The following POLDIP3 variants were observed in gnomAD, a reference collection of about 807,000 sequenced individuals.
POLDIP3 encodes polymerase delta-interacting protein 3.
In POLDIP3, 14 loss-of-function variants were observed where a neutral mutation model predicts 45.1. That is an observed-to-expected ratio of 0.31 (90% CI 0.20 to 0.49). The LOEUF (loss-of-function observed/expected upper bound fraction) is 0.49. POLDIP3 is among the 20% of genes least tolerant of loss of function. The probability of loss-of-function intolerance (pLI) is 0.99; values close to 1 mark genes in which losing one functional copy is unlikely to be tolerated. For missense variants in POLDIP3, 511 were observed against 538.8 expected, an observed-to-expected ratio of 0.95 and a Z score of 0.51; for synonymous variants, 223 against 205.2, an observed-to-expected ratio of 1.09 and a Z score of -0.74.
At position 42,592,001 on chromosome 22, in the gene POLDIP3, G is replaced by A. The variant is rs749745363; in HGVS notation, c.975C>T (p.Asp325=). ...ACTTCTTATATGCGGTGATGGCATCGTCCTTTTTCACAAACACCACCTCCG... is the reference window on the plus strand; with the variant it reads ...ACTTCTTATATGCGGTGATGGCATCATCCTTTTTCACAAACACCACCTCCG... ...GVAEVVFVKK[D]DAITAYKKYN... Residue 325 remains aspartate, a synonymous_variant, in exon 7 of 9, where the codon GAC becomes GAT. Transcript: ENST00000252115. 8 of 1,614,064 alleles carry A rather than the reference G, an allele frequency of 5.0e-6. No individual in the cohort carries two copies. The highest frequency in any genetic ancestry group is 1.7e-5 in the Admixed American group (1 of 60,000).
At chr22:42,610,857 G>C (rs1332021184) in intron 1 of POLDIP3, among the ~76,000 whole-genome samples, 1 of 152,190 alleles carries the variant, frequency 6.6e-6, no homozygotes, top group Non-Finnish European at 1.5e-5. Flanking sequence ...AGTGAGCTGT[G>C]ATCTTGCCAC....
At chr22:42,607,862 C>T (rs1399422990) in intron 1 of POLDIP3, among the ~76,000 whole-genome samples, 3 of 150,416 alleles carry the variant, frequency 2.0e-5, no homozygotes, top group Non-Finnish European at 4.4e-5. Flanking sequence ...TGAGGAGCCC[C>T]TCCGCCCAGC....
intron 8 of POLDIP3, 127 bp downstream of exon 8, chr22:42,587,379 C>G (rs1925376156): frequency 2.0e-6 from 2 of 986,968 alleles, no homozygotes; most frequent in Non-Finnish European, 3.1e-6. Context: ...AAACGGCCAG[C>G]TGCCATTAGA....
chr22:42,605,197 G>T (rs1230786188), intron 1 of POLDIP3, among the ~76,000 whole-genome samples: 1 of 152,186 alleles, frequency 6.6e-6, no homozygotes, highest in Non-Finnish European at 1.5e-5. Flanking sequence ...GCGCAATCTT[G>T]GCTCACCGCA....
At chr22:42,602,656 T>C (rs1926468697) in intron 2 of POLDIP3, 114 bp downstream of exon 2, 2 of 1,244,706 alleles carry the variant, frequency 1.6e-6, no homozygotes, top group East Asian at 2.3e-5. Flanking sequence ...AAAGTCTGTA[T>C]TATGCCAACA....
intron 8 of POLDIP3, 62 bp downstream of exon 8, chr22:42,587,444 C>A: frequency 6.7e-7 from 1 of 1,492,064 alleles, no homozygotes; most frequent in South Asian, 1.1e-5. Context: ...GCAGTTTACC[C>A]ATTAGAACAA....
rs1268547422 is a variant in POLDIP3 at position 42,602,793 on chromosome 22, G to A, written c.427C>T (p.Leu143=). The A allele has an allele frequency of 6.2e-7, 1 of 1,609,608 alleles. No individual in the cohort carries two copies. Among genetic ancestry groups the A allele is most frequent in the Non-Finnish European group, 8.5e-7 (1 of 1,178,316 alleles). The change falls in exon 2 of 9, where the codon CTG becomes TTG. Residue 143 remains leucine, a synonymous_variant. Coordinates refer to ENST00000252115, the MANE Select transcript of POLDIP3 (RefSeq NM_032311.5). ...ACCTGGATGGTTTTGGTGAGCTTCA[G>A]AGCAGGGGTCACTGTCCCAATGGGT... is the stretch of plus-strand genomic sequence containing the variant. ...NPPIGTVTPA[L]KLTKTIQVPQ... is the part of the protein sequence containing the mutation.
chr22:42,590,205 T>A (rs1450878374), intron 7 of POLDIP3, among the ~76,000 whole-genome samples: 2 of 152,284 alleles, frequency 1.3e-5, no homozygotes, highest in South Asian at 4.1e-4. Context: ...GCACATACAG[T>A]CATGTATCAT....
chr22:42,588,866 T>C (rs762848297), intron 7 of POLDIP3, among the ~76,000 whole-genome samples: 19 of 152,154 alleles, frequency 1.2e-4, no homozygotes, highest in Non-Finnish European at 2.2e-4. Context: ...AATCAGGTGA[T>C]CCGCCTGGCG....
intron 1 of POLDIP3, among the ~76,000 whole-genome samples, chr22:42,609,331 A>G (rs1218296547): frequency 6.6e-6 from 1 of 152,188 alleles, no homozygotes; most frequent in Non-Finnish European, 1.5e-5. Flanking sequence ...CAGCTCTGCA[A>G]CTGCTTCCAG....
At chr22:42,597,774 CG>C in intron 4 of POLDIP3, 13 of 445,452 alleles carry the variant, frequency 2.9e-5, no homozygotes, top group Middle Eastern at 6.9e-4. Flanking sequence ...TTCAGCTTCA[CG>C]ACCTCTTTTT....
At chr22:42,596,829 G>C (rs1028713042) in intron 4 of POLDIP3, among the ~76,000 whole-genome samples, 6 of 152,018 alleles carry the variant, frequency 3.9e-5, no homozygotes, top group African/African-American at 1.5e-4. Context: ...GACCAACCTG[G>C]GCAACACAGT....
In POLDIP3 at chr22:42,596,452, A is replaced by G. The variant is rs1925998647; in HGVS notation, c.634-87T>C. 3 of 1,326,192 alleles carry G rather than the reference A, an allele frequency of 2.3e-6. No homozygotes were observed. The East Asian group carries it at 7.1e-5, about 31-fold the overall frequency. The allele number at this position is 1,326,192 out of a possible 1,614,324, so 82.2% of individuals were successfully genotyped here. ...AAGAGGTTGACAACTTGCTGAGAGCATGAACCCTCGATGCCTCCCAGCTCT... is the reference window on the plus strand; with the variant it reads ...AAGAGGTTGACAACTTGCTGAGAGCGTGAACCCTCGATGCCTCCCAGCTCT... On this transcript the variant is annotated intron_variant, in intron 4 of 8. Coordinates refer to ENST00000252115, the MANE Select transcript of POLDIP3 (RefSeq NM_032311.5).
intron 1 of POLDIP3, among the ~76,000 whole-genome samples, chr22:42,604,690 A>G (rs1926610217): frequency 6.6e-6 from 1 of 152,196 alleles, no homozygotes; most frequent in African/African-American, 2.4e-5. Flanking sequence ...GAATACCAGA[A>G]GTGCAGCCAA....
intron 3 of POLDIP3, among the ~76,000 whole-genome samples, chr22:42,600,581 G>A (rs1013584146): frequency 3.3e-5 from 5 of 151,690 alleles, no homozygotes; most frequent in Middle Eastern, 3.4e-3. Context: ...AGCCGAGATC[G>A]TGCCACTGCA....
At chr22:42,612,668 A>T (rs1196438758) in intron 1 of POLDIP3, among the ~76,000 whole-genome samples, 1 of 152,092 alleles carries the variant, frequency 6.6e-6, no homozygotes, top group Non-Finnish European at 1.5e-5. Flanking sequence ...TCTACTAAAA[A>T]TACAAAAATT....
intron 4 of POLDIP3, among the ~76,000 whole-genome samples, chr22:42,598,053 C>T (rs1244096373): frequency 6.6e-6 from 1 of 151,730 alleles, no homozygotes; most frequent in African/African-American, 2.4e-5. Context: ...GCTGGGATTA[C>T]AGGCGTGAGC....
At position 42,585,742 on chromosome 22, in the gene POLDIP3, A is replaced by G; in HGVS notation, c.*49T>C. 2.5e-6 allele frequency: 4 copies of G among 1,569,618 alleles called. No homozygotes were observed. The highest frequency in any genetic ancestry group is 3.5e-6 in the Non-Finnish European group (4 of 1,156,704). Reference sequence around the variant, plus strand: ...TGGTCATAAGCTTTGCCTTGGGGAAACAGAGCCACCCTCCTCTGCCCCCAC... The same window carrying G: ...TGGTCATAAGCTTTGCCTTGGGGAAGCAGAGCCACCCTCCTCTGCCCCCAC... On this transcript the variant is annotated 3_prime_UTR_variant, in exon 9 of 9. Coordinates refer to ENST00000252115, the MANE Select transcript of POLDIP3 (RefSeq NM_032311.5).
At chr22:42,602,349 T>G (rs1926445217) in intron 2 of POLDIP3, among the ~76,000 whole-genome samples, 1 of 152,232 alleles carries the variant, frequency 6.6e-6, no homozygotes, top group African/African-American at 2.4e-5. Context: ...TTGTTTCCTT[T>G]CCCTCTGTGG....
Sources: allele counts gnomAD v4.1 joint callset (sites outside exome capture counted in the v4.1 genomes callset), GRCh38; gene constraint gnomAD v4.1.1; transcripts MANE v1.5; gene names NCBI Gene and HGNC (gene_info 2026-07-23, HGNC 2026-07-21).